Variants in LYPLAL1 observed in about 807,000 individuals in gnomAD.
LYPLAL1 encodes the protein lysophospholipase like 1, also known as lysophospholipase-like protein 1.
Under a neutral mutation model 19.7 loss-of-function variants are expected in LYPLAL1, and 23 were observed. The ratio of observed to expected loss-of-function variants is 1.17; its 90% CI spans 0.84 to 1.65. The LOEUF (loss-of-function observed/expected upper bound fraction) is 1.65, where lower values mean the gene tolerates loss of function less well. Among genes scored for constraint, LYPLAL1 ranks in the 40% most tolerant of loss-of-function variants. The pLI is 0.00. For missense variants in LYPLAL1, 355 were observed against 279.4 expected (o/e 1.27, Z -1.93); for synonymous variants, 119 against 96.3 (o/e 1.24, Z -1.38).
At chr1:219,260,812 A>G in the LYPLAL1 span, among the ~76,000 whole-genome samples, 1 of 151,676 alleles carries the variant, frequency 6.6e-6, no homozygotes, top group Non-Finnish European at 1.5e-5. Context: ...AAAGCCATTC[A>G]AGTTCTTGAA....
At chr1:219,292,108 GTAC>G in the LYPLAL1 span, among the ~76,000 whole-genome samples, 1 of 152,106 alleles carries the variant, frequency 6.6e-6, no homozygotes, top group African/African-American at 2.4e-5. Flanking sequence ...TGCTCCTCTT[GTAC>G]TGCAGCAATG....
chr1:219,290,797 T>A, the LYPLAL1 span, among the ~76,000 whole-genome samples: 3 of 152,222 alleles, frequency 2.0e-5, no homozygotes, highest in African/African-American at 7.2e-5. Flanking sequence ...ACCCCTAACA[T>A]AACTTGTGAC....
the LYPLAL1 span, among the ~76,000 whole-genome samples, chr1:219,294,655 G>T: frequency 6.6e-6 from 1 of 152,106 alleles, no homozygotes; most frequent in African/African-American, 2.4e-5. Flanking sequence ...TGTGATGACT[G>T]TTCTACCATA....
At chr1:219,355,076 G>C in the LYPLAL1 span, among the ~76,000 whole-genome samples, 2 of 152,190 alleles carry the variant, frequency 1.3e-5, no homozygotes, top group Non-Finnish European at 2.9e-5. Flanking sequence ...GATGCATACT[G>C]TGAGCCATAG....
chr1:219,256,879 T>C, the LYPLAL1 span, among the ~76,000 whole-genome samples: 1 of 152,000 alleles, frequency 6.6e-6, no homozygotes, highest in African/African-American at 2.4e-5. Flanking sequence ...CTATCTTTTT[T>C]TGTGGTTATT....
At chr1:219,312,814 TCTC>T in the LYPLAL1 span, among the ~76,000 whole-genome samples, 1 of 152,084 alleles carries the variant, frequency 6.6e-6, no homozygotes, top group Non-Finnish European at 1.5e-5. Context: ...CAGTTCCTCT[TCTC>T]CTGGTCTATT....
At chr1:219,180,251 G>T (rs1037836159) in intron 2 of LYPLAL1, among the ~76,000 whole-genome samples, 1 of 152,178 alleles carries the variant, frequency 6.6e-6, no homozygotes, top group African/African-American at 2.4e-5. Context: ...TCCCAAAAGT[G>T]CTGGAATTAC....
At chr1:219,397,800 C>G in the LYPLAL1 span, among the ~76,000 whole-genome samples, 1 of 152,096 alleles carries the variant, frequency 6.6e-6, no homozygotes, top group East Asian at 1.9e-4. Flanking sequence ...TTTATTTCTT[C>G]TTTGCTTATG....
At chr1:219,387,450 A>C in the LYPLAL1 span, among the ~76,000 whole-genome samples, 1 of 152,200 alleles carries the variant, frequency 6.6e-6, no homozygotes, top group African/African-American at 2.4e-5. Flanking sequence ...CCTTGCTTTC[A>C]GTTGATAAGG....
chr1:219,363,031 G>A, the LYPLAL1 span, among the ~76,000 whole-genome samples: 1 of 151,848 alleles, frequency 6.6e-6, no homozygotes, highest in Admixed American at 6.6e-5. Flanking sequence ...AACTCCGATT[G>A]TGCCTACACA....
At chr1:219,182,296 T>C (rs1393706771) in intron 2 of LYPLAL1, among the ~76,000 whole-genome samples, 1 of 152,176 alleles carries the variant, frequency 6.6e-6, no homozygotes, top group Non-Finnish European at 1.5e-5. Flanking sequence ...TGGTGTACTT[T>C]GCTGTTTTAA....
chr1:219,315,224 A>G, the LYPLAL1 span, among the ~76,000 whole-genome samples: 2 of 152,240 alleles, frequency 1.3e-5, no homozygotes, highest in African/African-American at 4.8e-5. Context: ...AATCGTTAAG[A>G]CGATGTGCAA....
chr1:219,434,685 A>G, the LYPLAL1 span, among the ~76,000 whole-genome samples: 1 of 152,284 alleles, frequency 6.6e-6, no homozygotes, highest in East Asian at 1.9e-4. Context: ...GCACCACTTC[A>G]GTTTAGTTAA....
At position 219,173,978 on chromosome 1, in the gene LYPLAL1, T is replaced by G; in HGVS notation, c.88T>G (p.Ser30Ala). 3 of 1,614,044 alleles carry G rather than the reference T, an allele frequency of 1.9e-6. No individual in the cohort carries two copies. The highest frequency in any genetic ancestry group is 2.5e-6 in the Non-Finnish European group (3 of 1,179,960). Residue 30 changes from serine to alanine, a missense_variant, in exon 1 of 5, where the codon TCA becomes GCA. By Grantham distance (99) the Ser-to-Ala change is moderately conservative. Coordinates refer to ENST00000366928, the MANE Select transcript of LYPLAL1 (RefSeq NM_138794.5). ...HSASLIFLHGSGDSGQGLRMW... is the reference protein window; with the variant it reads ...HSASLIFLHGAGDSGQGLRMW... ...CGCCTCTCTGATCTTCCTGCATGGC[T>G]CAGGTGGATTTCAATTTTACGTCCT...
At chr1:219,423,335 A>C in the LYPLAL1 span, among the ~76,000 whole-genome samples, 1 of 152,170 alleles carries the variant, frequency 6.6e-6, no homozygotes, top group East Asian at 1.9e-4. Context: ...TCCCAGTGTT[A>C]GTGACATTCA....
At chr1:219,310,164 A>G in the LYPLAL1 span, among the ~76,000 whole-genome samples, 1 of 152,316 alleles carries the variant, frequency 6.6e-6, no homozygotes, top group Non-Finnish European at 1.5e-5. Flanking sequence ...GTGAGATTAT[A>G]ACACTCCTCC....
the LYPLAL1 span, among the ~76,000 whole-genome samples, chr1:219,333,085 A>T: frequency 6.6e-6 from 1 of 151,996 alleles, no homozygotes; most frequent in Admixed American, 6.6e-5. Flanking sequence ...CTTCAAGTTG[A>T]TCCTTTCTCT....
the LYPLAL1 span, among the ~76,000 whole-genome samples, chr1:219,366,118 G>A: frequency 1.3e-5 from 2 of 152,088 alleles, no homozygotes; most frequent in East Asian, 1.9e-4. Flanking sequence ...GCTACCTAAC[G>A]ATGTGAATAA....
chr1:219,294,897 G>A, the LYPLAL1 span, among the ~76,000 whole-genome samples: 1 of 152,146 alleles, frequency 6.6e-6, no homozygotes, highest in African/African-American at 2.4e-5. Context: ...GAGCTGGGAT[G>A]ACCTTTCCAG....
Sources: gnomAD v4.1 joint callset for allele counts (sites outside exome capture counted in the v4.1 genomes callset) on GRCh38, gnomAD v4.1.1 for gene constraint, MANE v1.5 for transcripts, NCBI Gene and HGNC (gene_info 2026-07-23, HGNC 2026-07-21) for gene names.